The following IL1RAP variants were observed in gnomAD, a reference collection of about 807,000 sequenced individuals.
IL1RAP encodes the protein interleukin-1 receptor accessory protein.
In IL1RAP, 35 loss-of-function variants were observed where a neutral mutation model predicts 60.7. That is an observed-to-expected ratio of 0.58 (90% CI 0.44 to 0.76). The LOEUF is 0.76. IL1RAP is among the 30% of genes least tolerant of loss of function. The probability of loss-of-function intolerance (pLI) is 0.00; values close to 1 mark genes in which losing one functional copy is unlikely to be tolerated. For synonymous variants in IL1RAP, 268 were observed against 250.9 expected (o/e 1.07, Z -0.64); for missense variants, 572 against 693.9 (o/e 0.82, Z 1.97).
At chr3:190,624,389 T>C (rs185664284) in intron 7 of IL1RAP, among the ~76,000 whole-genome samples, 2 of 152,226 alleles carry the variant, frequency 1.3e-5, no homozygotes, top group African/African-American at 4.8e-5. Flanking sequence ...CTGGCCTTTG[T>C]GCAAGATAGT....
chr3:190,523,075 C>T (rs180770802), intron 1 of IL1RAP, among the ~76,000 whole-genome samples: 6 of 152,122 alleles, frequency 3.9e-5, no homozygotes, highest in South Asian at 4.1e-4. Flanking sequence ...CTTTGAAATA[C>T]CTTGCATGAC....
intron 1 of IL1RAP, among the ~76,000 whole-genome samples, chr3:190,520,714 C>T (rs1204509882): frequency 6.6e-6 from 1 of 152,114 alleles, no homozygotes; most frequent in Non-Finnish European, 1.5e-5. Context: ...GAACAGGTAA[C>T]CTTTTATGTC....
Position 190,630,775 on chromosome 3 carries a change from T to C in IL1RAP, c.1051+1277T>C, listed in dbSNP as rs114796249. Among the ~76,000 whole-genome samples, 228 of 152,330 alleles carry C rather than the reference T, an allele frequency of 1.5e-3. 2 individuals are homozygous for C. Among genetic ancestry groups the C allele is most frequent in the African/African-American group, 5.4e-3 (224 of 41,584 alleles). On this transcript the variant is annotated intron_variant, in intron 9 of 11. Transcript: ENST00000447382. The stretch of plus-strand genomic sequence containing the variant: ...TGTCCTGCAATGCATTATTGTACTC[T>C]AGAATCAGAGCACCTGTGTTGAAAT...
intron 7 of IL1RAP, chr3:190,624,650 G>T (rs984154475): frequency 2.0e-5 from 4 of 204,808 alleles, no homozygotes; most frequent in African/African-American, 4.6e-5. Context: ...GAGGTATGTA[G>T]TTGTTCATGG....
At chr3:190,623,241 A>T in intron 6 of IL1RAP, 103 bp from the exon 7 acceptor site, 1 of 842,206 alleles carries the variant, frequency 1.2e-6, no homozygotes, top group Non-Finnish European at 2.0e-6. Context: ...AAAACAACTG[A>T]CAAACTATGC....
chr3:190,630,393 C>G (rs1329875054), intron 9 of IL1RAP: 2 of 37,180 alleles, frequency 5.4e-5, no homozygotes. Flanking sequence ...GATGAGTTAT[C>G]ACACATGAAA....
intron 1 of IL1RAP, among the ~76,000 whole-genome samples, chr3:190,524,160 G>C (rs1455648038): frequency 2.0e-5 from 3 of 151,998 alleles, no homozygotes; most frequent in Admixed American, 2.0e-4. Context: ...GTATGTCTTT[G>C]GAAAGGGTCT....
chr3:190,539,662 T>G (rs1040229377), intron 1 of IL1RAP, among the ~76,000 whole-genome samples: 1 of 150,984 alleles, frequency 6.6e-6, no homozygotes, highest in African/African-American at 2.4e-5. Flanking sequence ...AAAATTACAG[T>G]GTGTATAAAT....
chr3:190,608,828 C>G (rs202042329), intron 4 of IL1RAP, among the ~76,000 whole-genome samples, 167 bp from the exon 5 acceptor site: 30 of 151,416 alleles, frequency 2.0e-4, no homozygotes, highest in African/African-American at 6.8e-4. Context: ...TCTGTGATGT[C>G]AATTCGTGTA....
intron 1 of IL1RAP, among the ~76,000 whole-genome samples, chr3:190,549,030 C>T (rs551238283): frequency 5.9e-5 from 9 of 152,040 alleles, no homozygotes; most frequent in Admixed American, 5.2e-4. Context: ...GTTCTTTTCA[C>T]GTGACTAGGA....
intron 1 of IL1RAP, chr3:190,519,146 A>T (rs1048618082): frequency 6.6e-6 from 1 of 152,190 alleles, no homozygotes; most frequent in Non-Finnish European, 1.5e-5. Flanking sequence ...GAACTAGATG[A>T]TCTCTAAATT....
intron 1 of IL1RAP, among the ~76,000 whole-genome samples, chr3:190,514,829 A>G (rs1201587964): frequency 6.6e-6 from 1 of 152,162 alleles, no homozygotes; most frequent in Non-Finnish European, 1.5e-5. Context: ...GTTTCTTCCC[A>G]GCCCCGGAGG....
At chr3:190,578,496 T>C (rs1727694288) in intron 3 of IL1RAP, among the ~76,000 whole-genome samples, 1 of 152,224 alleles carries the variant, frequency 6.6e-6, no homozygotes, top group African/African-American at 2.4e-5. Flanking sequence ...AAAATAGATA[T>C]TACCATAGAT....
chr3:190,586,404 T>G (rs2108693526), intron 3 of IL1RAP, among the ~76,000 whole-genome samples: 1 of 152,296 alleles, frequency 6.6e-6, no homozygotes, highest in Middle Eastern at 3.4e-3. Flanking sequence ...CCTTGCTTTG[T>G]GACCCAGACA....
intron 1 of IL1RAP, among the ~76,000 whole-genome samples, chr3:190,532,245 T>G (rs373225112): frequency 2.0e-5 from 3 of 150,624 alleles, no homozygotes; most frequent in Non-Finnish European, 3.0e-5. Flanking sequence ...CAAAATTACC[T>G]CATATAATCA....
chr3:190,567,222 G>T (rs1341404443), intron 3 of IL1RAP, among the ~76,000 whole-genome samples: 1 of 152,134 alleles, frequency 6.6e-6, no homozygotes, highest in East Asian at 1.9e-4. Flanking sequence ...ATCCCCTCAG[G>T]AATGGGGGAG....
rs1417361735 is a variant in IL1RAP at position 190,650,105 on chromosome 3, T to G, written c.*1400T>G. 3.2e-6 allele frequency: 3 copies of G among 940,712 alleles called. No individual in the cohort carries two copies. The highest frequency in any genetic ancestry group is 3.8e-6 in the Non-Finnish European group (3 of 789,852). The allele number at this position is 940,712 out of a possible 1,614,324, so 58.3% of individuals were successfully genotyped here. ...TTGTGTGTGTGTATGTGTATGTATA[T>G]GACTTTAAATAGCTATGGGTACAAT... On this transcript the variant is annotated 3_prime_UTR_variant, in exon 12 of 12. Coordinates refer to ENST00000447382, the MANE Select transcript of IL1RAP (RefSeq NM_002182.4).
chr3:190,638,042 T>C (rs1733362731), intron 9 of IL1RAP, among the ~76,000 whole-genome samples: 1 of 152,142 alleles, frequency 6.6e-6, no homozygotes, highest in East Asian at 1.9e-4. Context: ...ATTCATTCTC[T>C]GGGTGGTGAA....
chr3:190,543,216 C>T (rs895328593), intron 1 of IL1RAP, among the ~76,000 whole-genome samples: 3 of 152,054 alleles, frequency 2.0e-5, no homozygotes, highest in East Asian at 1.9e-4. Flanking sequence ...ATCACCCCCA[C>T]CCATGATGAT....
Sources: allele counts gnomAD v4.1 joint callset (sites outside exome capture counted in the v4.1 genomes callset), GRCh38; gene constraint gnomAD v4.1.1; transcripts MANE v1.5; gene names NCBI Gene and HGNC (gene_info 2026-07-23, HGNC 2026-07-21).